The following LMF1 variants were observed in gnomAD, a reference collection of about 807,000 sequenced individuals.
LMF1 encodes lipase maturation factor 1.
Under a neutral mutation model 60.6 loss-of-function variants are expected in LMF1, and 68 were observed. The observed-to-expected ratio is 1.12, with a 90% CI of 0.92 to 1.37. LMF1 has a LOEUF of 1.37. Ranked by LOEUF, LMF1 falls within the 40% of genes most tolerant of loss-of-function variation. The pLI, the probability that LMF1 is intolerant of heterozygous loss-of-function variation, is 0.00. For synonymous variants in LMF1, 418 were observed against 324.7 expected (o/e 1.29, Z -3.09); for missense variants, 948 against 767.2 (o/e 1.24, Z -2.78).
At chr16:981,185 T>A (rs1482080361) in exon 1 of LMF1, 15 of 454,874 alleles carry the variant, frequency 3.3e-5, no homozygotes, top group Admixed American at 3.1e-4. Context: ...GAGCTGGGCC[T>A]GGGCGCTGCG....
At chr16:890,324 T>A (rs1312844504) in intron 5 of LMF1, among the ~76,000 whole-genome samples, 1 of 152,172 alleles carries the variant, frequency 6.6e-6, no homozygotes, top group African/African-American at 2.4e-5. Flanking sequence ...CTGGGCCCCG[T>A]CCCAACTCAG....
intron 3 of LMF1, among the ~76,000 whole-genome samples, chr16:913,898 A>G (rs1347398913): frequency 1.3e-5 from 2 of 152,134 alleles, no homozygotes; most frequent in African/African-American, 4.8e-5. Flanking sequence ...GGCCCCCGAC[A>G]CCCCGACAGG....
intron 5 of LMF1, chr16:883,985 T>C (rs1484158006): frequency 2.0e-5 from 3 of 152,388 alleles, no homozygotes; most frequent in Admixed American, 2.0e-4. Flanking sequence ...TCCAACTTTA[T>C]GGATTTGTCT....
chr16:924,828 A>G (rs1202355712), intron 3 of LMF1, among the ~76,000 whole-genome samples: 7 of 152,280 alleles, frequency 4.6e-5, no homozygotes, highest in Admixed American at 4.6e-4. Context: ...AGATAAAACC[A>G]GCTCTTTGAA....
Position 879,627 on chromosome 16 carries a change from G to A in LMF1, c.840C>T (p.Phe280=). The change falls in exon 6 of 11, where the codon TTC becomes TTT. Residue 280 remains phenylalanine (F), a synonymous_variant. Coordinates refer to ENST00000262301, the MANE Select transcript of LMF1 (RefSeq NM_022773.4). ...NHFIELLVPF[F]LFLGRRACII... Reference sequence around the variant, plus strand: ...TGCACGCCCGCCGGCCGAGGAAGAGGAAGAAGGGCACCAGGAGCTCGATGA... The same window carrying A: ...TGCACGCCCGCCGGCCGAGGAAGAGAAAGAAGGGCACCAGGAGCTCGATGA... 1.2e-6 allele frequency: 2 copies of A among 1,613,558 alleles called. No homozygotes were observed. Among genetic ancestry groups the A allele is most frequent in the Non-Finnish European group, 1.7e-6 (2 of 1,179,776 alleles).
chr16:866,477 A>C (rs186496108), intron 10 of LMF1, among the ~76,000 whole-genome samples: 25 of 152,002 alleles, frequency 1.6e-4, no homozygotes, highest in Non-Finnish European at 3.5e-4. Context: ...TCTGGAGGGG[A>C]GGAGCCCTTC....
chr16:925,749 T>C (rs72759464), intron 3 of LMF1, among the ~76,000 whole-genome samples: 5,329 of 152,248 alleles, frequency 0.035, 117 homozygotes, highest in East Asian at 0.096. Context: ...AGAAAAACTA[T>C]ATATATATGC....
intron 3 of LMF1, among the ~76,000 whole-genome samples, chr16:918,546 G>A (rs116548974): frequency 3.9e-5 from 6 of 152,274 alleles, no homozygotes; most frequent in African/African-American, 7.2e-5. Flanking sequence ...TTTGTGTCCC[G>A]GGCATGAAAA....
In LMF1 at chr16:876,716, G is replaced by GAGGCGGGCT. The variant is rs1458455040; in HGVS notation, c.897+2845_897+2853dup. On this transcript the variant is annotated intron_variant, in intron 6 of 10. Transcript: ENST00000262301. ...CTGGGTGGGCTGAGGACCTTGGACAGAGGCGGGCTGGGCGGGCTGAGGACC... is the reference window on the plus strand; with the variant it reads ...CTGGGTGGGCTGAGGACCTTGGACAGAGGCGGGCTAGGCGGGCTGGGCGGGCTGAGGACC... Among the ~76,000 whole-genome samples, 155 of 151,784 alleles carry GAGGCGGGCT rather than the reference G, an allele frequency of 1.0e-3. 1 individual carries two copies. Among genetic ancestry groups the GAGGCGGGCT allele is most frequent in the African/African-American group, 3.7e-3 (152 of 41,512 alleles).
chr16:921,553 A>G (rs1274960747), intron 3 of LMF1, among the ~76,000 whole-genome samples: 2 of 152,232 alleles, frequency 1.3e-5, no homozygotes, highest in Non-Finnish European at 2.9e-5. Flanking sequence ...CTCTGTACAA[A>G]TGCGGGCGGT....
intron 10 of LMF1, chr16:855,881 TG>T (rs1356069845): frequency 2.2e-6 from 1 of 456,010 alleles, no homozygotes; most frequent in Non-Finnish European, 4.4e-6. Context: ...CCTTGGGCCA[TG>T]CCCCTTAGGC....
At chr16:975,960 A>G (rs1403560105), upstream of LMF1, 1 of 453,642 alleles carries the variant, frequency 2.2e-6, no homozygotes, top group Non-Finnish European at 4.4e-6. Context: ...GGGAGGTTTC[A>G]AATGTGGACA....
chr16:921,228 G>A (rs1158378254), intron 3 of LMF1: 1 of 152,300 alleles, frequency 6.6e-6, no homozygotes, highest in Non-Finnish European at 1.5e-5. Context: ...AAGGCAGGAG[G>A]AAGCTTCCCT....
At chr16:976,219 C>T (rs1312611749) in intron 1 of LMF1, 1 of 446,820 alleles carries the variant, frequency 2.2e-6, no homozygotes, top group Admixed American at 2.4e-5. Context: ...GGGCCCAGGG[C>T]CTCGCATCCT....
intron 4 of LMF1, among the ~76,000 whole-genome samples, chr16:894,175 C>A (rs200981591): frequency 1.6e-5 from 2 of 122,622 alleles, no homozygotes; most frequent in African/African-American, 3.2e-5. Flanking sequence ...ACCCGTCCCC[C>A]TGTCCACTGG....
Position 970,875 on chromosome 16 carries a change from C to G in LMF1, c.106G>C (p.Gly36Arg). Reference sequence around the variant, plus strand: ...AGATGGGCCGGAGAGCCTGCGGGGCCACGCCCCGGCGCGGGCGGCGACTCA... The same window carrying G: ...AGATGGGCCGGAGAGCCTGCGGGGCGACGCCCCGGCGCGGGCGGCGACTCA... Reference protein sequence around the residue: ...EPESPPAPGRGPAGSPAHLHT... With the variant: ...EPESPPAPGRRPAGSPAHLHT... The change falls in exon 1 of 11, where the codon GGC becomes CGC. Residue 36 changes from glycine (G) to arginine (R), a missense_variant. Coordinates refer to ENST00000262301, the MANE Select transcript of LMF1 (RefSeq NM_022773.4). 1.9e-6 allele frequency: 3 copies of G among 1,568,732 alleles called. No homozygotes were observed. The highest frequency in any genetic ancestry group is 2.6e-6 in the Non-Finnish European group (3 of 1,159,588).
intron 3 of LMF1, among the ~76,000 whole-genome samples, chr16:914,432 C>T (rs2071211644): frequency 6.6e-6 from 1 of 152,094 alleles, no homozygotes; most frequent in African/African-American, 2.4e-5. Context: ...CGAGAGAACG[C>T]ACACCGCTGT....
Position 869,041 on chromosome 16 carries a change from CGTT to C in LMF1, c.1429_1431del (p.Asn477del), listed in dbSNP as rs1567150828. 8 of 1,611,912 alleles carry C rather than the reference CGTT, an allele frequency of 5.0e-6. No individual in the cohort carries two copies. Among genetic ancestry groups the C allele is most frequent in the East Asian group, 2.2e-5 (1 of 44,862 alleles). ...TTGCCAGCCAGGTGGATGATCCAGT[CGTT>C]GTGCTCGTAGGTCTGGGAGGAGAGG... On this transcript the variant is annotated inframe_deletion, in exon 10 of 11. Transcript: ENST00000262301.
chr16:956,193 T>C (rs2072699280), intron 1 of LMF1, among the ~76,000 whole-genome samples: 2 of 131,312 alleles, frequency 1.5e-5, no homozygotes, highest in Admixed American at 1.5e-4. Flanking sequence ...CTCTCTCACA[T>C]CCACAGGTCT....
Sources: gnomAD v4.1 joint callset for allele counts (sites outside exome capture counted in the v4.1 genomes callset) on GRCh38, gnomAD v4.1.1 for gene constraint, MANE v1.5 for transcripts, NCBI Gene and HGNC (gene_info 2026-07-23, HGNC 2026-07-21) for gene names.